The following MAGI2 variants were observed in gnomAD, a reference collection of about 807,000 sequenced individuals.
The protein encoded by MAGI2 is membrane-associated guanylate kinase, WW and PDZ domain-containing protein 2.
MAGI2 carries 35 observed loss-of-function variants against 133.3 expected under a neutral mutation model. The ratio of observed to expected loss-of-function variants is 0.26; its 90% CI spans 0.20 to 0.35. The LOEUF (loss-of-function observed/expected upper bound fraction) is 0.35. MAGI2 is among the 10% of genes least tolerant of loss of function. The pLI, the probability that MAGI2 is intolerant of heterozygous loss-of-function variation, is 1.00. For synonymous variants in MAGI2, 729 were observed against 710.6 expected (o/e 1.03, Z -0.41); for missense variants, 1,636 against 1,863.4 (o/e 0.88, Z 2.25).
At chr7:78,148,679 G>C (rs1183512738) in intron 16 of MAGI2, among the ~76,000 whole-genome samples, 7 of 152,134 alleles carry the variant, frequency 4.6e-5, no homozygotes, top group African/African-American at 1.7e-4. Context: ...GACTTTGCCA[G>C]GTGGTCAAGG....
intron 2 of MAGI2, among the ~76,000 whole-genome samples, chr7:78,666,675 G>T (rs1411019420): frequency 2.0e-5 from 3 of 152,180 alleles, no homozygotes; most frequent in Non-Finnish European, 4.4e-5. Context: ...TCCAAAGTAT[G>T]AGGGAACTTT....
intron 3 of MAGI2, among the ~76,000 whole-genome samples, chr7:78,605,319 GAGTGACTC>G (rs1805686220): frequency 6.6e-6 from 1 of 152,200 alleles, no homozygotes; most frequent in African/African-American, 2.4e-5. Flanking sequence ...GATGTGTCAA[GAGTGACTC>G]AGCATTCTAA....
intron 6 of MAGI2, among the ~76,000 whole-genome samples, chr7:78,428,919 A>G (rs1799532088): frequency 6.6e-6 from 1 of 152,182 alleles, no homozygotes; most frequent in African/African-American, 2.4e-5. Flanking sequence ...TTTCTGGGAC[A>G]GGGTAGCATG....
chr7:79,036,857 A>G (rs1043797723), intron 1 of MAGI2, among the ~76,000 whole-genome samples: 1 of 152,228 alleles, frequency 6.6e-6, no homozygotes, highest in Non-Finnish European at 1.5e-5. Context: ...TCAAAAACTC[A>G]GATCTATTGA....
chr7:78,903,989 G>T (rs1797817268), intron 2 of MAGI2: 1 of 152,132 alleles, frequency 6.6e-6, no homozygotes, highest in Admixed American at 6.6e-5. Context: ...TGCCATTCTT[G>T]TCTTATTTTT....
At chr7:79,165,048 T>G (rs1824780014) in intron 1 of MAGI2, among the ~76,000 whole-genome samples, 3 of 152,126 alleles carry the variant, frequency 2.0e-5, no homozygotes, top group African/African-American at 4.8e-5. Context: ...AAAATCAGAA[T>G]GTTTAGGAAC....
rs996228040 is a variant in MAGI2 at position 78,859,957 on chromosome 7, T to C, written c.418+147133A>G. On this transcript the variant is annotated intron_variant, in intron 2 of 21. Coordinates refer to ENST00000354212, the MANE Select transcript of MAGI2 (RefSeq NM_012301.4). ...TCATTTCTTTTTACTCTTTTTTCTC[T>C]AAACTTCTCTTCTCTCTTCATTTCA... Among the ~76,000 whole-genome samples the C allele has an allele frequency of 3.0e-4, 45 of 152,312 alleles. No individual in the cohort carries two copies. In the East Asian group the frequency reaches 6.2e-3, roughly 21 times the overall value.
intron 21 of MAGI2, among the ~76,000 whole-genome samples, chr7:78,066,935 T>C (rs559515654): frequency 6.6e-6 from 1 of 152,364 alleles, no homozygotes; most frequent in South Asian, 2.1e-4. Context: ...CGTGGTGCTA[T>C]GTATATACGG....
chr7:79,116,350 C>T (rs1299932272), intron 1 of MAGI2, among the ~76,000 whole-genome samples: 2 of 152,100 alleles, frequency 1.3e-5, no homozygotes, highest in Non-Finnish European at 2.9e-5. Context: ...TATGGTGAAG[C>T]CTGTGCATCA....
chr7:78,859,255 G>A (rs1423337515), intron 2 of MAGI2, among the ~76,000 whole-genome samples: 2 of 152,064 alleles, frequency 1.3e-5, no homozygotes, highest in Non-Finnish European at 2.9e-5. Flanking sequence ...GGTTAATATT[G>A]TTATGTGTGA....
intron 1 of MAGI2, among the ~76,000 whole-genome samples, chr7:79,158,249 G>A (rs1824010928): frequency 1.3e-5 from 2 of 151,858 alleles, no homozygotes; most frequent in Admixed American, 6.6e-5. Flanking sequence ...CTATCAGCAT[G>A]CCTAATACAT....
rs1826956083 is a variant in MAGI2, at chr7:79,185,028, C to G, written c.302-177822G>C. On this transcript the variant is annotated intron_variant, in intron 1 of 21. Coordinates refer to ENST00000354212, the MANE Select transcript of MAGI2 (RefSeq NM_012301.4). ...GGGATAAGGAAAGAATGAGGTGATT[C>G]CATAGAAGAGCTCAACACAGCTGGG... Among the ~76,000 whole-genome samples the G allele has an allele frequency of 2.6e-5, 4 of 151,724 alleles. No homozygotes were observed. In the South Asian group the frequency reaches 8.3e-4, roughly 31 times the overall value.
chr7:78,109,562 G>A (rs1216664263), intron 20 of MAGI2, among the ~76,000 whole-genome samples: 1 of 152,010 alleles, frequency 6.6e-6, no homozygotes. Flanking sequence ...AACCCGGGAG[G>A]TGGAGGTTGC....
intron 3 of MAGI2, among the ~76,000 whole-genome samples, chr7:78,597,871 T>C (rs1263591774): frequency 2.4e-4 from 11 of 46,090 alleles, no homozygotes; most frequent in East Asian, 1.0e-3. Context: ...TTTTTTTTTT[T>C]CCCCATAGAG....
chr7:79,145,576 GA>G (rs930026844), intron 1 of MAGI2, among the ~76,000 whole-genome samples: 23 of 147,204 alleles, frequency 1.6e-4, no homozygotes, highest in African/African-American at 4.2e-4. Flanking sequence ...ATACAAGTTA[GA>G]AAAAAAAAAG....
chr7:79,327,462 CT>C (rs1475333272), intron 1 of MAGI2, among the ~76,000 whole-genome samples: 1 of 152,078 alleles, frequency 6.6e-6, no homozygotes, highest in Non-Finnish European at 1.5e-5. Context: ...TTCCCTTTAC[CT>C]GGTAAAGGGA....
intron 2 of MAGI2, among the ~76,000 whole-genome samples, chr7:78,658,674 T>A (rs6466331): frequency 0.5 from 75,943 of 151,802 alleles, 19,072 homozygotes; most frequent in Admixed American, 0.54. Flanking sequence ...ACAGCAAGAG[T>A]AAGTGGATAT....
chr7:78,317,483 A>T (rs1024611790), intron 9 of MAGI2, among the ~76,000 whole-genome samples: 1 of 152,266 alleles, frequency 6.6e-6, no homozygotes, highest in East Asian at 1.9e-4. Flanking sequence ...TAGTAGGTTA[A>T]ATGGAGAAAG....
At chr7:78,915,633 T>C (rs1263283586) in intron 2 of MAGI2, among the ~76,000 whole-genome samples, 1 of 151,960 alleles carries the variant, frequency 6.6e-6, no homozygotes, top group Non-Finnish European at 1.5e-5. Context: ...AAGTATCATA[T>C]AGCTGGGCTT....
Sources: allele counts gnomAD v4.1 joint callset (sites outside exome capture counted in the v4.1 genomes callset), GRCh38; gene constraint gnomAD v4.1.1; transcripts MANE v1.5; gene names NCBI Gene and HGNC (gene_info 2026-07-23, HGNC 2026-07-21).